STON1: variants seen among roughly 807,000 people sequenced by gnomAD.
STON1 encodes stonin-1.
STON1 carries 79 observed loss-of-function variants against 60.9 expected under a neutral mutation model. The ratio of observed to expected loss-of-function variants is 1.30; its 90% confidence interval spans 1.08 to 1.56. The LOEUF (loss-of-function observed/expected upper bound fraction) is 1.56, where lower values mean the gene tolerates loss of function less well. Among genes scored for constraint, STON1 ranks in the 40% most tolerant of loss-of-function variants. The pLI is 0.00. For missense variants in STON1, 1,166 were observed against 858.9 expected (o/e 1.36, Z -4.47); for synonymous variants, 363 against 306.9 (o/e 1.18, Z -1.91).
At chr2:48,547,453 T>A (rs1260328921) in intron 1 of STON1, among the ~76,000 whole-genome samples, 2 of 152,178 alleles carry the variant, frequency 1.3e-5, no homozygotes, top group African/African-American at 4.8e-5. Context: ...ACCTAGTTGT[T>A]AAGCAAACAT....
rs1021535175 is a variant in STON1 at position 48,586,987 on chromosome 2, G to A, written c.1930+4424G>A. Among the ~76,000 whole-genome samples, 4 of 152,092 alleles carry A rather than the reference G, an allele frequency of 2.6e-5. No homozygotes were observed. The East Asian group carries it at 7.7e-4, about 29-fold the overall frequency. ...GTGCTCTGGCTGTGGTGGATAGGTG[G>A]GCAATGGTGCCATTAGCCGAGATAG... On this transcript the variant is annotated intron_variant, in intron 2 of 3. Coordinates refer to ENST00000404752, the MANE Select transcript of STON1 (RefSeq NM_006873.4).
intron 2 of STON1, among the ~76,000 whole-genome samples, chr2:48,591,178 A>G (rs1010092482): frequency 6.6e-6 from 1 of 150,544 alleles, no homozygotes; most frequent in African/African-American, 2.4e-5. Context: ...GCATATTACT[A>G]TATTGTTTAA....
At chr2:48,591,545 T>G (rs1349032722) in intron 2 of STON1, 108 bp from the exon 3 acceptor site, 2 of 1,452,034 alleles carry the variant, frequency 1.4e-6, no homozygotes, top group African/African-American at 2.8e-5. Context: ...ACTGCTGCAG[T>G]GCTAATGAAA....
chr2:48,570,843 GTTTTTTTTT>G (rs70946811), intron 1 of STON1, among the ~76,000 whole-genome samples: 47 of 77,118 alleles, frequency 6.1e-4, no homozygotes, highest in African/African-American at 2.5e-3. Flanking sequence ...CTGTCTCTGA[GTTTTTTTTT>G]TTTTTTTTTT....
intron 1 of STON1, among the ~76,000 whole-genome samples, chr2:48,555,411 C>A (rs1672299114): frequency 1.5e-5 from 1 of 68,012 alleles, no homozygotes; most frequent in African/African-American, 5.4e-5. Flanking sequence ...CAGAGGCGCC[C>A]CTCACCTACC....
intron 1 of STON1, among the ~76,000 whole-genome samples, chr2:48,555,088 T>G (rs1672266427): frequency 1.5e-5 from 1 of 64,788 alleles, no homozygotes; most frequent in Admixed American, 1.6e-4. Flanking sequence ...GAATTTTTCT[T>G]AGTGCAGAAC....
At chr2:48,575,655 AAAAT>A (rs74495343) in intron 1 of STON1, among the ~76,000 whole-genome samples, 32,039 of 148,688 alleles carry the variant, frequency 0.22, 3,956 homozygotes, top group Non-Finnish European at 0.28. Context: ...CTCCGTCTCA[AAAAT>A]AAATAAATAA....
At chr2:48,563,860 AT>A (rs879686548) in intron 1 of STON1, among the ~76,000 whole-genome samples, 114 of 145,914 alleles carry the variant, frequency 7.8e-4, no homozygotes, top group Admixed American at 1.0e-3. Flanking sequence ...TGCCTGGCGA[AT>A]TTTTTTTTTT....
chr2:48,554,859 C>T lies in STON1; in HGVS notation c.-48+24643C>T, dbSNP rs1385906556. ...AACAAAGGTCTCTGGTTTTCCTAGG[C>T]AGAGGACCCTGCGGCCTTCCGCAGT... On this transcript the variant is annotated intron_variant, in intron 1 of 3. Coordinates refer to ENST00000404752, the MANE Select transcript of STON1 (RefSeq NM_006873.4). 6.6e-5 allele frequency among the ~76,000 whole-genome samples: 5 copies of T among 75,672 alleles called. 1 individual carries two copies. Among genetic ancestry groups the T allele is most frequent in the Non-Finnish European group, 1.1e-4 (4 of 37,674 alleles). 49.6% of individuals were successfully genotyped at this position (75,672 alleles called of 152,430 possible).
chr2:48,577,288 G>A lies in STON1; in HGVS notation c.-47-3299G>A, dbSNP rs547018450. 1.0e-4 allele frequency among the ~76,000 whole-genome samples: 15 copies of A among 149,318 alleles called. 1 individual carries two copies. The South Asian group carries it at 3.0e-3, about 30-fold the overall frequency. On this transcript the variant is annotated intron_variant, in intron 1 of 3. Coordinates refer to ENST00000404752, the MANE Select transcript of STON1 (RefSeq NM_006873.4). ...TTTTCCTCTGCATTTTTTTCTCAGA[G>A]TTTTATAGTTTTCACCGGGCGCGGT...
chr2:48,586,836 C>A (rs1158233758), intron 2 of STON1, among the ~76,000 whole-genome samples: 1 of 152,030 alleles, frequency 6.6e-6, no homozygotes, highest in Non-Finnish European at 1.5e-5. Flanking sequence ...GTAAGGGTTG[C>A]TGAGCAAAGG....
intron 3 of STON1, among the ~76,000 whole-genome samples, chr2:48,594,160 A>C (rs865814576): frequency 3.3e-5 from 5 of 151,858 alleles, no homozygotes; most frequent in Non-Finnish European, 7.4e-5. Context: ...ACTCAACGGC[A>C]CTCTCCAGTA....
At chr2:48,543,036 A>G (rs1671718589) in intron 1 of STON1, among the ~76,000 whole-genome samples, 1 of 140,070 alleles carries the variant, frequency 7.1e-6, no homozygotes, top group Admixed American at 7.7e-5. Flanking sequence ...GTGCAGTGGC[A>G]TGATCTCCAC....
chr2:48,584,405 C>A (rs1357746946), intron 2 of STON1, among the ~76,000 whole-genome samples: 2 of 151,968 alleles, frequency 1.3e-5, no homozygotes, highest in East Asian at 3.9e-4. Context: ...GTAGCTGGGA[C>A]GACAGGCGTG....
At chr2:48,550,771 A>C (rs574376699) in intron 1 of STON1, among the ~76,000 whole-genome samples, 2 of 151,672 alleles carry the variant, frequency 1.3e-5, no homozygotes, top group Admixed American at 1.3e-4. Flanking sequence ...CATGTTAAGC[A>C]GTTCCTAAAT....
chr2:48,572,358 C>G (rs1030583113), intron 1 of STON1, among the ~76,000 whole-genome samples: 1 of 152,146 alleles, frequency 6.6e-6, no homozygotes. Context: ...GTTGAATAAA[C>G]TCACATCACA....
At chr2:48,585,186 T>C (rs1368105209) in intron 2 of STON1, among the ~76,000 whole-genome samples, 1 of 152,104 alleles carries the variant, frequency 6.6e-6, no homozygotes, top group Non-Finnish European at 1.5e-5. Context: ...AACTCTGCTG[T>C]GATGGGAGGG....
At chr2:48,555,326 C>CG (rs1489686786) in intron 1 of STON1, among the ~76,000 whole-genome samples, 2 of 30,568 alleles carry the variant, frequency 6.5e-5, no homozygotes, top group African/African-American at 1.1e-4. Context: ...GGGGGCTGAC[C>CG]CCCCCCACCT....
intron 1 of STON1, among the ~76,000 whole-genome samples, chr2:48,541,632 G>C (rs1320829802): frequency 6.8e-6 from 1 of 147,016 alleles, no homozygotes; most frequent in Non-Finnish European, 1.5e-5. Flanking sequence ...CTAGGAGATG[G>C]AGGTTATAGT....
Sources: allele counts gnomAD v4.1 joint callset (sites outside exome capture counted in the v4.1 genomes callset), GRCh38; gene constraint gnomAD v4.1.1; transcripts MANE v1.5; gene names NCBI Gene and HGNC (gene_info 2026-07-23, HGNC 2026-07-21).